The following WWOX variants were observed in gnomAD, a reference collection of about 807,000 sequenced individuals.
The protein encoded by WWOX is WW domain containing oxidoreductase.
In WWOX, 69 loss-of-function variants were observed where a neutral mutation model predicts 46.2. The observed-to-expected ratio is 1.49, with a 90% CI of 1.23 to 1.82. The LOEUF (loss-of-function observed/expected upper bound fraction) is 1.82, where lower values mean the gene tolerates loss of function less well. Among genes scored for constraint, WWOX ranks in the 40% most tolerant of loss-of-function variants. The probability of loss-of-function intolerance (pLI) is 0.00; values close to 1 mark genes in which losing one functional copy is unlikely to be tolerated. For synonymous variants in WWOX, 359 were observed against 202.6 expected (o/e 1.77, Z -6.56); for missense variants, 919 against 542.6 (o/e 1.69, Z -6.89).
chr16:78,539,911 T>C (rs11648633), intron 8 of WWOX, among the ~76,000 whole-genome samples: 15,155 of 152,148 alleles, frequency 0.1, 951 homozygotes, highest in South Asian at 0.22. Context: ...AGTACATATT[T>C]ATAAAACCAC....
intron 8 of WWOX, among the ~76,000 whole-genome samples, chr16:78,788,082 C>A (rs2142580205): frequency 6.6e-6 from 1 of 152,276 alleles, no homozygotes; most frequent in Admixed American, 6.5e-5. Flanking sequence ...CATTTTCTCT[C>A]AATCTATGGG....
Position 78,365,572 on chromosome 16 carries a change from T to A in WWOX, c.517-21288T>A, listed in dbSNP as rs547393036. 6.6e-5 allele frequency among the ~76,000 whole-genome samples: 10 copies of A among 152,300 alleles called. No homozygotes were observed. In the East Asian group the frequency reaches 1.5e-3, roughly 24 times the overall value. On this transcript the variant is annotated intron_variant, in intron 5 of 8. Coordinates refer to ENST00000566780, the MANE Select transcript of WWOX (RefSeq NM_016373.4). ...TGCTGTCCCCAGTAGGATTCTGGAA[T>A]TCCCTGAATCATAGTGTTGCTTGTA...
intron 8 of WWOX, 44 bp from the exon 9 acceptor site, chr16:79,211,564 C>G (rs758034102): frequency 1.2e-6 from 2 of 1,613,546 alleles, no homozygotes; most frequent in African/African-American, 1.3e-5. Context: ...TCTCATCACT[C>G]CTTTTCTTAA....
intron 8 of WWOX, among the ~76,000 whole-genome samples, chr16:78,863,466 T>TCATCAGA (rs1336789044): frequency 1.3e-5 from 2 of 152,208 alleles, no homozygotes; most frequent in African/African-American, 4.8e-5. Flanking sequence ...AGGGTACTTG[T>TCATCAGA]CTTTCATCAG....
intron 8 of WWOX, among the ~76,000 whole-genome samples, chr16:78,767,760 G>C (rs896896095): frequency 6.6e-5 from 10 of 152,086 alleles, no homozygotes; most frequent in African/African-American, 2.4e-4. Context: ...ATAGCCATCT[G>C]AGTGAAGTGT....
Position 78,350,705 on chromosome 16 carries a change from G to A in WWOX, c.517-36155G>A, listed in dbSNP as rs1182470852. Among the ~76,000 whole-genome samples the A allele has an allele frequency of 2.5e-5, 3 of 121,036 alleles. 1 individual carries two copies. The highest frequency in any genetic ancestry group is 8.4e-5 in the African/African-American group (3 of 35,736). The allele number at this position is 121,036 out of a possible 152,430, so 79.4% of individuals were successfully genotyped here. On this transcript the variant is annotated intron_variant, in intron 5 of 8. Transcript: ENST00000566780. ...CATTTCATCTATGCATTCAGTTCAC[G>A]GACATGTAGGTTGTTTCCACATTTT...
rs192666684 is a variant in WWOX, at chr16:79,012,444, G to T, written c.1057-199164G>T. 1.8e-4 allele frequency among the ~76,000 whole-genome samples: 28 copies of T among 152,210 alleles called. No individual in the cohort carries two copies. The East Asian group carries it at 5.2e-3, about 28-fold the overall frequency. On this transcript the variant is annotated intron_variant, in intron 8 of 8. Transcript: ENST00000566780. ...GATGGGGTTTCACCACATTGGCCAG[G>T]CTGGTCTCGAACTCCTGACCTCAAA...
In WWOX at chr16:79,169,017, GT is replaced by G. The variant is rs2050649099; in HGVS notation, c.1057-42590del. Among the ~76,000 whole-genome samples the G allele has an allele frequency of 2.6e-5, 4 of 152,308 alleles. No homozygotes were observed. In the South Asian group the frequency reaches 8.3e-4, roughly 32 times the overall value. ...TTAAAAATCTTTTCACCCCTTTAAA[GT>G]GAAAGTTATGGAGAATCTATTAGAT... On this transcript the variant is annotated intron_variant, in intron 8 of 8. Coordinates refer to ENST00000566780, the MANE Select transcript of WWOX (RefSeq NM_016373.4).
chr16:78,168,732 C>G (rs1279919804), intron 5 of WWOX, among the ~76,000 whole-genome samples: 1 of 152,144 alleles, frequency 6.6e-6, no homozygotes. Flanking sequence ...CCTGTCGTCT[C>G]TTTATATTCA....
At chr16:78,933,646 C>A (rs2045671431) in intron 8 of WWOX, among the ~76,000 whole-genome samples, 1 of 152,092 alleles carries the variant, frequency 6.6e-6, no homozygotes, top group South Asian at 2.1e-4. Context: ...ACTTACAGTT[C>A]CATGTGGCTG....
In WWOX at chr16:79,212,306, G is replaced by C; in HGVS notation, c.*510G>C. On this transcript the variant is annotated 3_prime_UTR_variant, in exon 9 of 9. Coordinates refer to ENST00000566780, the MANE Select transcript of WWOX (RefSeq NM_016373.4). ...CTGAGCCAGCTTAGCAACTGCTGGG[G>C]AGACAAATCTCAGAACCTTGTCCCA... is the stretch of plus-strand genomic sequence containing the variant. The C allele has an allele frequency of 2.2e-6, 2 of 922,886 alleles. No individual in the cohort carries two copies. Among genetic ancestry groups the C allele is most frequent in the South Asian group, 3.8e-5 (2 of 52,816 alleles). 57.2% of individuals were successfully genotyped at this position (922,886 alleles called of 1,614,324 possible).
chr16:78,449,598 C>A (rs570241535), intron 8 of WWOX, among the ~76,000 whole-genome samples: 28 of 152,278 alleles, frequency 1.8e-4, no homozygotes, highest in African/African-American at 5.3e-4. Context: ...TTTCTGTTTG[C>A]ATCCTTTCGT....
chr16:79,186,428 G>A (rs1280920692), intron 8 of WWOX, among the ~76,000 whole-genome samples: 1 of 152,118 alleles, frequency 6.6e-6, no homozygotes, highest in Non-Finnish European at 1.5e-5. Flanking sequence ...GCAACTATCT[G>A]ACCTCTGCGT....
Position 78,930,113 on chromosome 16 carries a change from G to C in WWOX, c.1057-281495G>C, listed in dbSNP as rs545721943. ...CTCCTCCTTCCCTTCCTGCCGTCTG[G>C]GATGTGGGGTCTGGCAGAGAAACAA... On this transcript the variant is annotated intron_variant, in intron 8 of 8. Transcript: ENST00000566780. Among the ~76,000 whole-genome samples, 52 of 152,106 alleles carry C rather than the reference G, an allele frequency of 3.4e-4. 1 individual carries two copies. The highest frequency in any genetic ancestry group is 1.2e-3 in the African/African-American group (50 of 41,492).
rs139154633 is a variant in WWOX at position 78,625,593 on chromosome 16, T to C, written c.1056+192841T>C. On this transcript the variant is annotated intron_variant, in intron 8 of 8. Transcript: ENST00000566780. ...CGTCTTATGTTATTTGGTACATTTA[T>C]TAAGATTAAATTATTGATACTGAAA... Among the ~76,000 whole-genome samples the C allele has an allele frequency of 5.0e-3, 763 of 152,100 alleles. 9 individuals are homozygous for C. Among genetic ancestry groups the C allele is most frequent in the African/African-American group, 0.018 (731 of 41,512 alleles).
chr16:78,904,268 C>G (rs1003236071), intron 8 of WWOX, among the ~76,000 whole-genome samples: 1 of 119,876 alleles, frequency 8.3e-6, no homozygotes, highest in Non-Finnish European at 1.6e-5. Flanking sequence ...TAGTCGGAGT[C>G]TCACTCTGTC....
At chr16:78,631,958 T>A (rs1378472224) in intron 8 of WWOX, among the ~76,000 whole-genome samples, 2 of 116,544 alleles carry the variant, frequency 1.7e-5, no homozygotes, top group Non-Finnish European at 3.4e-5. Context: ...AGGTGGTTTA[T>A]TTTTTTTTAA....
At chr16:78,422,647 C>A (rs2082958769) in intron 6 of WWOX, among the ~76,000 whole-genome samples, 1 of 43,706 alleles carries the variant, frequency 2.3e-5, no homozygotes, top group Non-Finnish European at 7.7e-5. Flanking sequence ...TGCCCAGCCT[C>A]CTGTTTTTTT....
chr16:78,588,999 C>A (rs760790849), intron 8 of WWOX, among the ~76,000 whole-genome samples: 2 of 152,184 alleles, frequency 1.3e-5, no homozygotes, highest in Non-Finnish European at 2.9e-5. Flanking sequence ...ATGTGGCCAT[C>A]ATAGAAGTAA....
Sources: allele counts gnomAD v4.1 joint callset (sites outside exome capture counted in the v4.1 genomes callset), GRCh38; gene constraint gnomAD v4.1.1; transcripts MANE v1.5; gene names NCBI Gene and HGNC (gene_info 2026-07-23, HGNC 2026-07-21).